The following XXYLT1 variants were observed in gnomAD, a reference collection of about 807,000 sequenced individuals.
The protein encoded by XXYLT1 is xyloside xylosyltransferase 1, also known as UDP-xylose:alpha-xyloside alpha-1,3-xylosyltransferase.
Under a neutral mutation model 28.9 loss-of-function variants are expected in XXYLT1, and 20 were observed. That is an observed-to-expected ratio of 0.69 (90% CI 0.49 to 1.00). The LOEUF (loss-of-function observed/expected upper bound fraction) is 1.00. XXYLT1 is among the 50% of genes least tolerant of loss of function. The probability of loss-of-function intolerance (pLI) is 0.00; values close to 1 mark genes in which losing one functional copy is unlikely to be tolerated. For missense variants in XXYLT1, 542 were observed against 560.1 expected, an observed-to-expected ratio of 0.97 and a Z score of 0.33; for synonymous variants, 257 against 253.8, an observed-to-expected ratio of 1.01 and a Z score of -0.12.
rs1235695510 is a variant in XXYLT1 at position 195,210,120 on chromosome 3, T to TC, written c.652+16588dup. 6.7e-6 allele frequency among the ~76,000 whole-genome samples: 1 copy of TC among 150,270 alleles called. No individual in the cohort carries two copies. The highest frequency in any genetic ancestry group is 1.5e-5 in the Non-Finnish European group (1 of 67,942). On this transcript the variant is annotated intron_variant, in intron 2 of 3. Transcript: ENST00000310380. This position sits in a 1 kb window ranked among gnomAD's most constrained non-coding sequence, Gnocchi z 4.8. ...TGGCCCAGAATGCCTGCTCGGCCCC[T>TC]CCCCCAGCCTTCACCCCAAGCCTTC...
chr3:195,131,032 T>TC (rs375935693), intron 3 of XXYLT1, among the ~76,000 whole-genome samples: 67 of 152,234 alleles, frequency 4.4e-4, no homozygotes, highest in African/African-American at 1.5e-3. Context: ...ACCATTCAGG[T>TC]CCCTCCTTCA....
chr3:195,099,999 A>G (rs1716687466), intron 3 of XXYLT1, among the ~76,000 whole-genome samples: 1 of 152,206 alleles, frequency 6.6e-6, no homozygotes, highest in Admixed American at 6.5e-5. Context: ...GTCTTACTTA[A>G]AAAAGAAGAC....
rs997403822 is a variant in XXYLT1 at position 195,256,804 on chromosome 3, C to G, written c.504+13751G>C. ...CATCTGGGCAGGACTCTGTCCACCA[C>G]ACTCCAGCTGAAGTGAGCGCCCAGG... On this transcript the variant is annotated intron_variant, in intron 1 of 3. Transcript: ENST00000310380. The surrounding 1 kb of genome is among the most constrained non-coding windows in gnomAD (Gnocchi z 4.2). Among the ~76,000 whole-genome samples, 1 of 152,198 alleles carries G rather than the reference C, an allele frequency of 6.6e-6. No individual in the cohort carries two copies. The highest frequency in any genetic ancestry group is 6.5e-5 in the Admixed American group (1 of 15,286).
intron 2 of XXYLT1, among the ~76,000 whole-genome samples, chr3:195,186,857 C>A (rs1244106949): frequency 6.6e-6 from 1 of 151,800 alleles, no homozygotes; most frequent in African/African-American, 2.4e-5. Flanking sequence ...GATAACCTCT[C>A]CACGGACCTG....
At chr3:195,199,876 T>C (rs1320627585) in intron 2 of XXYLT1, among the ~76,000 whole-genome samples, 2 of 152,204 alleles carry the variant, frequency 1.3e-5, no homozygotes, top group East Asian at 1.9e-4. Flanking sequence ...TTTCCCCAAC[T>C]GGTGTTTGGG....
At chr3:195,117,319 TG>T (rs1332771174) in intron 3 of XXYLT1, among the ~76,000 whole-genome samples, 1 of 152,190 alleles carries the variant, frequency 6.6e-6, no homozygotes, top group Non-Finnish European at 1.5e-5. Context: ...GTAAGAATGT[TG>T]AATCAGATGT....
At position 195,115,675 on chromosome 3, in the gene XXYLT1, C is replaced by G. The variant is rs149276398; in HGVS notation, c.785+40774G>C. Among the ~76,000 whole-genome samples the G allele has an allele frequency of 6.6e-6, 1 of 152,226 alleles. No individual in the cohort carries two copies. Among genetic ancestry groups the G allele is most frequent in the Admixed American group, 6.5e-5 (1 of 15,288 alleles). The stretch of plus-strand genomic sequence containing the variant: ...ATCTGGTGCGGAGCAGTAACCCCCT[C>G]GTCTGGCTCCGGCAGCACACCGTGT... On this transcript the variant is annotated intron_variant, in intron 3 of 3. Transcript: ENST00000310380. The surrounding 1 kb of genome is among the most constrained non-coding windows in gnomAD (Gnocchi z 4.2).
chr3:195,222,019 T>C (rs567351593), intron 2 of XXYLT1, among the ~76,000 whole-genome samples: 8 of 152,248 alleles, frequency 5.3e-5, no homozygotes, highest in African/African-American at 9.6e-5. Flanking sequence ...TCAGATGTGG[T>C]TCTGGGCGCT....
chr3:195,216,197 C>T (rs868262180), intron 2 of XXYLT1, among the ~76,000 whole-genome samples: 17 of 151,914 alleles, frequency 1.1e-4, no homozygotes, highest in Non-Finnish European at 2.2e-4. Flanking sequence ...TAAGTGCCCA[C>T]AAGAGAAAGC....
At chr3:195,098,683 C>G (rs1023855181) in intron 3 of XXYLT1, among the ~76,000 whole-genome samples, 1 of 152,262 alleles carries the variant, frequency 6.6e-6, no homozygotes, top group African/African-American at 2.4e-5. Flanking sequence ...GAGCCCTCCT[C>G]GCTGCGCTGG....
At chr3:195,238,658 G>A (rs1465345778) in intron 1 of XXYLT1, among the ~76,000 whole-genome samples, 1 of 152,188 alleles carries the variant, frequency 6.6e-6, no homozygotes, top group Non-Finnish European at 1.5e-5. Context: ...AGGGCCATGT[G>A]GAACACACAT....
chr3:195,080,911 T>C (rs1259487472), intron 3 of XXYLT1, among the ~76,000 whole-genome samples: 1 of 152,208 alleles, frequency 6.6e-6, no homozygotes, highest in African/African-American at 2.4e-5. Context: ...GGCTGCAAAC[T>C]GTGTTACTTC....
In XXYLT1 at chr3:195,156,510, A is replaced by G. The variant is rs1720602217; in HGVS notation, c.724T>C (p.Phe242Leu). 6.2e-7 allele frequency: 1 copy of G among 1,614,228 alleles called. No individual in the cohort carries two copies. Among genetic ancestry groups the G allele is most frequent in the Non-Finnish European group, 8.5e-7 (1 of 1,180,040 alleles). ...KTNIRELFEEFDSFLPGAIIG... is the reference protein window; with the variant it reads ...KTNIRELFEELDSFLPGAIIG... ...ATGGCGCCTGGCAGGAAACTGTCAA[A>G]TTCCTCAAACAACTCCCGGATGTTG... Residue 242 changes from phenylalanine to leucine, a missense_variant, in exon 3 of 4, where the codon TTT becomes CTT. Transcript: ENST00000310380.
At chr3:195,111,763 A>C (rs28756361) in intron 3 of XXYLT1, among the ~76,000 whole-genome samples, 133,033 of 152,198 alleles carry the variant, frequency 0.87, 58,192 homozygotes, top group Admixed American at 0.91. Flanking sequence ...TTCTAACATA[A>C]GCTGTCTTCA....
chr3:195,180,242 A>T lies in XXYLT1; in HGVS notation c.653-23661T>A. ...GCCAGATCCCCGTCTCTGCACTGACACCGGGGGTGGTGAGTGGCACACTCG... is the reference window on the plus strand; with the variant it reads ...GCCAGATCCCCGTCTCTGCACTGACTCCGGGGGTGGTGAGTGGCACACTCG... On this transcript the variant is annotated intron_variant, in intron 2 of 3. Transcript: ENST00000310380. This position sits in a 1 kb window ranked among gnomAD's most constrained non-coding sequence, Gnocchi z 5.8. The T allele has an allele frequency of 1.1e-6, 1 of 881,472 alleles. No homozygotes were observed. The highest frequency in any genetic ancestry group is 1.4e-6 in the Non-Finnish European group (1 of 735,410). 54.6% of individuals were successfully genotyped at this position (881,472 alleles called of 1,614,324 possible).
At chr3:195,219,484 G>C (rs1723725926) in intron 2 of XXYLT1, among the ~76,000 whole-genome samples, 1 of 152,220 alleles carries the variant, frequency 6.6e-6, no homozygotes, top group Non-Finnish European at 1.5e-5. Context: ...AGGGCAGGCA[G>C]GCAGGAAGGG....
intron 2 of XXYLT1, among the ~76,000 whole-genome samples, chr3:195,182,972 C>T (rs1961324): frequency 0.18 from 27,867 of 152,170 alleles, 4,834 homozygotes; most frequent in African/African-American, 0.46. Flanking sequence ...GCTTATATCA[C>T]GTTTTTACAC....
rs1165531427 is a variant in XXYLT1 at position 195,211,692 on chromosome 3, GAGA to G, written c.652+15014_652+15016del. On this transcript the variant is annotated intron_variant, in intron 2 of 3. Coordinates refer to ENST00000310380, the MANE Select transcript of XXYLT1 (RefSeq NM_152531.5). ...ATGAGCAGACGATAAGAACTATGAA[GAGA>G]AAGAAAGCAAGGAAGGGCCAGGGCC... Among the ~76,000 whole-genome samples, 5 of 152,232 alleles carry G rather than the reference GAGA, an allele frequency of 3.3e-5. No homozygotes were observed. The East Asian group carries it at 9.6e-4, about 29-fold the overall frequency.
intron 3 of XXYLT1, among the ~76,000 whole-genome samples, chr3:195,070,888 A>T (rs1438540419): frequency 1.6e-4 from 24 of 152,152 alleles, no homozygotes. Context: ...CTTCAAGTTC[A>T]ATTTTTCTCT....
Sources: allele counts gnomAD v4.1 joint callset (sites outside exome capture counted in the v4.1 genomes callset), GRCh38; gene constraint gnomAD v4.1.1; non-coding constraint Gnocchi (gnomAD v3.1); transcripts MANE v1.5; gene names NCBI Gene and HGNC (gene_info 2026-07-23, HGNC 2026-07-21).